Variants in ITPR1 observed in about 807,000 individuals in gnomAD.
The protein encoded by ITPR1 is inositol 1,4,5-trisphosphate-gated calcium channel ITPR1.
A neutral mutation model predicts 318.4 loss-of-function variants in ITPR1; 96 were observed. The ratio of observed to expected loss-of-function variants is 0.30; its 90% CI spans 0.26 to 0.36. ITPR1 has a LOEUF of 0.36. Ranked by LOEUF, ITPR1 falls within the 10% of genes least tolerant of loss-of-function variation. ITPR1 has a pLI of 1.00. For missense variants in ITPR1, 2,440 were observed against 3,460.2 expected (o/e 0.71, Z 7.40); for synonymous variants, 1,312 against 1,289.9 (o/e 1.02, Z -0.37).
At chr3:4,613,140 GT>G (rs1456896511) in intron 4 of ITPR1, among the ~76,000 whole-genome samples, 1 of 152,188 alleles carries the variant, frequency 6.6e-6, no homozygotes. Context: ...CGTTGGTTGG[GT>G]CCAGTAATTT....
Position 4,748,404 on chromosome 3 carries a change from T to A in ITPR1, c.5544+13050T>A, listed in dbSNP as rs79520093. 9.4e-3 allele frequency among the ~76,000 whole-genome samples: 1,422 copies of A among 151,828 alleles called. 12 individuals are homozygous for A. The highest frequency in any genetic ancestry group is 0.014 in the Admixed American group (213 of 15,236). On this transcript the variant is annotated intron_variant, in intron 44 of 61. Transcript: ENST00000649015. ...AGTCACTGCTTGGTTAGCCAATGAGTTTTAAAGGTAGACCTTTAAAATGGA... is the reference window on the plus strand; with the variant it reads ...AGTCACTGCTTGGTTAGCCAATGAGATTTAAAGGTAGACCTTTAAAATGGA...
At chr3:4,732,499 T>C (rs1427907527) in intron 42 of ITPR1, among the ~76,000 whole-genome samples, 1 of 151,968 alleles carries the variant, frequency 6.6e-6, no homozygotes, top group African/African-American at 2.4e-5. Context: ...TTTTTTTATA[T>C]ATTTGATATC....
intron 60 of ITPR1, among the ~76,000 whole-genome samples, chr3:4,830,029 A>G (rs1002826535): frequency 8.0e-6 from 1 of 124,788 alleles, no homozygotes; most frequent in Non-Finnish European, 1.6e-5. Context: ...GCTGGAGTGC[A>G]TTGGCACCAT....
chr3:4,592,830 C>T (rs2090497230), intron 4 of ITPR1, among the ~76,000 whole-genome samples: 1 of 152,184 alleles, frequency 6.6e-6, no homozygotes, highest in South Asian at 2.1e-4. Flanking sequence ...AGGGCTGGGT[C>T]ACAGGCCCAC....
At chr3:4,528,374 T>A (rs1473557916) in intron 4 of ITPR1, among the ~76,000 whole-genome samples, 1 of 152,158 alleles carries the variant, frequency 6.6e-6, no homozygotes. Context: ...ACCTTACCCT[T>A]AGGCCAGATG....
chr3:4,500,827 A>C (rs774970531), intron 2 of ITPR1, among the ~76,000 whole-genome samples: 1 of 152,154 alleles, frequency 6.6e-6, no homozygotes, highest in Non-Finnish European at 1.5e-5. Context: ...AGAGGTTGTT[A>C]AATCAATTTA....
intron 27 of ITPR1, 36 bp from the exon 28 acceptor site, chr3:4,683,592 G>A (rs2094338806): frequency 1.9e-6 from 3 of 1,613,872 alleles, no homozygotes; most frequent in Non-Finnish European, 2.5e-6. Flanking sequence ...TGTCCAAGAA[G>A]CTGTTGTGTG....
At chr3:4,839,713 A>C (rs2051196724) in intron 61 of ITPR1, among the ~76,000 whole-genome samples, 1 of 152,232 alleles carries the variant, frequency 6.6e-6, no homozygotes, top group Non-Finnish European at 1.5e-5. Flanking sequence ...GATAAGCCAA[A>C]GTTTTAGTTT....
chr3:4,777,212 G>C, intron 47 of ITPR1, 52 bp from the exon 48 acceptor site: 1 of 1,097,354 alleles, frequency 9.1e-7, no homozygotes, highest in South Asian at 1.4e-5. Context: ...GGCCTTTGAC[G>C]TCTGATTTAT....
In ITPR1 at chr3:4,676,673, C is replaced by T. The variant is rs777634985; in HGVS notation, c.2839C>T (p.Arg947Trp). ...VGELMTQVVLRGGGFLPMTPM... is the reference protein window; with the variant it reads ...VGELMTQVVLWGGGFLPMTPM... ...AGAGCTGATGACCCAGGTGGTGCTC[C>T]GGGGAGGAGGCTTTTTGCCCATGAC... The change falls in exon 24 of 62, where the codon CGG (arginine) becomes TGG (tryptophan). Residue 947 changes from arginine (R) to tryptophan (W), a missense_variant. Coordinates refer to ENST00000649015, the MANE Select transcript of ITPR1 (RefSeq NM_001378452.1). 2.5e-6 allele frequency: 4 copies of T among 1,613,656 alleles called. No homozygotes were observed. The highest frequency in any genetic ancestry group is 2.2e-5 in the South Asian group (2 of 91,040).
chr3:4,776,608 C>T (rs1041030400), intron 47 of ITPR1, among the ~76,000 whole-genome samples: 6 of 152,130 alleles, frequency 3.9e-5, no homozygotes, highest in South Asian at 2.1e-4. Context: ...TTTCTTCTCC[C>T]GGTTCCCTCA....
rs545483447 is a variant in ITPR1, at chr3:4,846,749, T to C, written c.*524T>C. On this transcript the variant is annotated 3_prime_UTR_variant, in exon 62 of 62. Transcript: ENST00000649015. The stretch of plus-strand genomic sequence containing the variant: ...AGTGAGTTTCAGGCCCCTGGGCATT[T>C]TGTACCATGTAATTATCCTCTGGTG... The C allele has an allele frequency of 6.5e-6, 1 of 152,774 alleles. No individual in the cohort carries two copies. The highest frequency in any genetic ancestry group is 2.1e-4 in the South Asian group (1 of 4,820). The allele number at this position is 152,774 out of a possible 1,614,324, so 9.5% of individuals were successfully genotyped here.
intron 38 of ITPR1, among the ~76,000 whole-genome samples, chr3:4,711,197 C>G (rs967145109): frequency 8.3e-5 from 10 of 120,430 alleles, no homozygotes; most frequent in African/African-American, 2.3e-4. Flanking sequence ...GGTGGCAGAA[C>G]GAGACCTTGT....
At chr3:4,600,470 C>T (rs191078128) in intron 4 of ITPR1, among the ~76,000 whole-genome samples, 61 of 149,970 alleles carry the variant, frequency 4.1e-4, no homozygotes, top group Non-Finnish European at 4.5e-5. Context: ...ACCATCTCTA[C>T]GGACCTTCCT....
At chr3:4,620,307 A>C (rs1342234132) in intron 4 of ITPR1, among the ~76,000 whole-genome samples, 1 of 152,086 alleles carries the variant, frequency 6.6e-6, no homozygotes, top group Non-Finnish European at 1.5e-5. Flanking sequence ...TCAATGGTCC[A>C]TTTTCTCCCA....
intron 32 of ITPR1, 96 bp from the exon 33 acceptor site, chr3:4,693,394 C>A: frequency 1.5e-6 from 2 of 1,346,264 alleles, no homozygotes; most frequent in Non-Finnish European, 2.1e-6. Flanking sequence ...AAGATAAATG[C>A]TAACAGAACC....
chr3:4,552,347 T>TCTGA (rs768136779), intron 4 of ITPR1, among the ~76,000 whole-genome samples: 1 of 152,194 alleles, frequency 6.6e-6, no homozygotes, highest in Non-Finnish European at 1.5e-5. Context: ...CTCTGGAACG[T>TCTGA]CTGACTGACT....
At chr3:4,585,598 G>A (rs1380889411) in intron 4 of ITPR1, among the ~76,000 whole-genome samples, 2 of 151,764 alleles carry the variant, frequency 1.3e-5, no homozygotes, top group Non-Finnish European at 1.5e-5. Flanking sequence ...CACCACGCCC[G>A]GCTAATTTTT....
At chr3:4,514,472 C>A (rs1438085505) in intron 2 of ITPR1, among the ~76,000 whole-genome samples, 4 of 152,166 alleles carry the variant, frequency 2.6e-5, no homozygotes, top group Non-Finnish European at 5.9e-5. Flanking sequence ...CCATTAAGGG[C>A]CTGGAATCTT....
Sources: allele counts gnomAD v4.1 joint callset (sites outside exome capture counted in the v4.1 genomes callset), GRCh38; gene constraint gnomAD v4.1.1; transcripts MANE v1.5; gene names NCBI Gene and HGNC (gene_info 2026-07-23, HGNC 2026-07-21).